The following CNTNAP2 variants were observed in gnomAD, a reference collection of about 807,000 sequenced individuals.
CNTNAP2 encodes contactin associated protein 2.
In CNTNAP2, 98 loss-of-function variants were observed where a neutral mutation model predicts 155.2. That is an observed-to-expected ratio of 0.63 (90% CI 0.54 to 0.75). The LOEUF is 0.75. Among genes scored for constraint, CNTNAP2 ranks in the 30% least tolerant of loss-of-function variants. The pLI is 0.00. For missense variants in CNTNAP2, 1,727 were observed against 1,688.1 expected (o/e 1.02, Z -0.40); for synonymous variants, 651 against 631.2 (o/e 1.03, Z -0.47).
At chr7:148,308,548 T>C (rs1797531176) in intron 21 of CNTNAP2, among the ~76,000 whole-genome samples, 1 of 122,194 alleles carries the variant, frequency 8.2e-6, no homozygotes, top group Non-Finnish European at 1.7e-5. Flanking sequence ...TTAACCTATT[T>C]ATGTATTTAT....
At chr7:146,721,145 T>G (rs1328390945) in intron 1 of CNTNAP2, among the ~76,000 whole-genome samples, 1 of 132,450 alleles carries the variant, frequency 7.6e-6, no homozygotes, top group Non-Finnish European at 1.5e-5. Context: ...ATTCTCTTTA[T>G]ATATTCTATA....
At chr7:147,068,403 G>T (rs1584816414) in intron 4 of CNTNAP2, among the ~76,000 whole-genome samples, 1 of 152,156 alleles carries the variant, frequency 6.6e-6, no homozygotes. Context: ...TGTCGCCCAG[G>T]CTGAAGTGCA....
intron 1 of CNTNAP2, among the ~76,000 whole-genome samples, chr7:146,748,465 A>C (rs1470094909): frequency 6.6e-6 from 1 of 152,084 alleles, no homozygotes; most frequent in Non-Finnish European, 1.5e-5. Context: ...ATGGTTTTTA[A>C]GGATCTTTGC....
intron 3 of CNTNAP2, among the ~76,000 whole-genome samples, chr7:146,867,706 A>T (rs1462630283): frequency 6.6e-6 from 1 of 151,694 alleles, no homozygotes; most frequent in African/African-American, 2.4e-5. Flanking sequence ...TTTTCATTGT[A>T]GCCATTCTGA....
chr7:148,153,443 G>A (rs1805343361), intron 17 of CNTNAP2, among the ~76,000 whole-genome samples: 1 of 152,166 alleles, frequency 6.6e-6, no homozygotes, highest in South Asian at 2.1e-4. Flanking sequence ...GTATTTGTCT[G>A]AAAAGTGCAG....
At chr7:146,445,210 A>G (rs1390300175) in intron 1 of CNTNAP2, among the ~76,000 whole-genome samples, 7 of 152,220 alleles carry the variant, frequency 4.6e-5, no homozygotes, top group African/African-American at 1.7e-4. Context: ...TGTAATAAAT[A>G]CTGCAGTAAA....
intron 1 of CNTNAP2, among the ~76,000 whole-genome samples, chr7:146,178,602 T>A (rs1389015119): frequency 6.6e-6 from 1 of 152,174 alleles, no homozygotes; most frequent in East Asian, 1.9e-4. Flanking sequence ...CAGTGTGCAA[T>A]TCTGTGTGAT....
chr7:147,589,561 GTATGTCTTAAAAATATATTTTTAATT>G (rs1800699893), intron 12 of CNTNAP2, among the ~76,000 whole-genome samples: 1 of 152,018 alleles, frequency 6.6e-6, no homozygotes, highest in Non-Finnish European at 1.5e-5. Context: ...GCATGTAAAT[GTATGTCTTAAAAATATATTTTTAATT>G]TATAAAATGT....
chr7:146,691,915 T>A (rs2642484), intron 1 of CNTNAP2, among the ~76,000 whole-genome samples: 126,948 of 152,020 alleles, frequency 0.84, 53,662 homozygotes, highest in South Asian at 0.93. Context: ...AATGGTAACG[T>A]CTTGGATTGG....
intron 3 of CNTNAP2, among the ~76,000 whole-genome samples, chr7:146,928,575 A>T (rs1585162508): frequency 6.6e-6 from 1 of 152,180 alleles, no homozygotes; most frequent in Non-Finnish European, 1.5e-5. Context: ...GGAGTGCCAG[A>T]CAGTGGGTGC....
intron 1 of CNTNAP2, among the ~76,000 whole-genome samples, chr7:146,295,584 A>G (rs533575252): frequency 2.6e-5 from 4 of 152,268 alleles, no homozygotes; most frequent in Admixed American, 1.3e-4. Flanking sequence ...ACCCATTAAA[A>G]TATTTTTTCT....
chr7:146,424,787 G>A (rs1021300152), intron 1 of CNTNAP2, among the ~76,000 whole-genome samples: 2 of 152,090 alleles, frequency 1.3e-5, no homozygotes, highest in Non-Finnish European at 2.9e-5. Context: ...TCTAAAAACA[G>A]CAGAAAAGAG....
chr7:147,538,085 G>A (rs1220434171), intron 11 of CNTNAP2, among the ~76,000 whole-genome samples: 7 of 152,172 alleles, frequency 4.6e-5, no homozygotes, highest in Non-Finnish European at 1.0e-4. Flanking sequence ...TGAACTCCAT[G>A]AAGCTTTTTA....
chr7:147,511,141 T>C (rs577135890), intron 11 of CNTNAP2, among the ~76,000 whole-genome samples: 94 of 152,108 alleles, frequency 6.2e-4, no homozygotes, highest in African/African-American at 2.1e-3. Flanking sequence ...CAAGTAAGAA[T>C]TAAGCTATTG....
At chr7:147,167,121 T>C (rs1375186444) in intron 8 of CNTNAP2, among the ~76,000 whole-genome samples, 4 of 152,118 alleles carry the variant, frequency 2.6e-5, no homozygotes, top group Non-Finnish European at 4.4e-5. Flanking sequence ...TCCATGCAGC[T>C]TTGACATCTA....
chr7:146,520,489 T>C (rs990266153), intron 1 of CNTNAP2, among the ~76,000 whole-genome samples: 1 of 151,444 alleles, frequency 6.6e-6, no homozygotes, highest in African/African-American at 2.4e-5. Context: ...CTCTAAGTGG[T>C]TGGTGAAACT....
intron 1 of CNTNAP2, among the ~76,000 whole-genome samples, chr7:146,752,266 T>C (rs770221366): frequency 2.0e-5 from 3 of 152,192 alleles, no homozygotes; most frequent in Non-Finnish European, 4.4e-5. Flanking sequence ...TTCCTATTTT[T>C]CCACAGCCTT....
At chr7:147,315,797 A>T (rs2692164) in intron 9 of CNTNAP2, among the ~76,000 whole-genome samples, 159 of 151,808 alleles carry the variant, frequency 1.0e-3, no homozygotes, top group African/African-American at 3.7e-3. Flanking sequence ...GACATTTTAT[A>T]TAAATTGAAT....
chr7:147,788,823 CT>C (rs1379202363), intron 13 of CNTNAP2, among the ~76,000 whole-genome samples: 6 of 151,390 alleles, frequency 4.0e-5, no homozygotes, highest in Admixed American at 6.6e-5. Context: ...CCAGGAACCT[CT>C]TTCCGTTCTC....
Sources: allele counts gnomAD v4.1 joint callset (sites outside exome capture counted in the v4.1 genomes callset), GRCh38; gene constraint gnomAD v4.1.1; transcripts MANE v1.5; gene names NCBI Gene and HGNC (gene_info 2026-07-23, HGNC 2026-07-21).